LMNA: variants seen among roughly 807,000 people sequenced by gnomAD.
The protein encoded by LMNA is lamin A/C.
In LMNA, 20 loss-of-function variants were observed where a neutral mutation model predicts 70.4. That is an observed-to-expected ratio of 0.28 (90% confidence interval 0.20 to 0.41). LMNA has a LOEUF of 0.41. Among genes scored for constraint, LMNA ranks in the 10% least tolerant of loss-of-function variants. The pLI, the probability that LMNA is intolerant of heterozygous loss-of-function variation, is 1.00. For missense variants in LMNA, 652 were observed against 917.2 expected (o/e 0.71, Z 3.73); for synonymous variants, 339 against 372.8 (o/e 0.91, Z 1.04).
chr1:156,104,175 C>T (rs548602143), intron 3 of LMNA, among the ~76,000 whole-genome samples: 41 of 152,310 alleles, frequency 2.7e-4, no homozygotes, highest in Middle Eastern at 3.4e-3. Flanking sequence ...CGGCAGGGGT[C>T]GGGGTGATCC....
intron 3 of LMNA, among the ~76,000 whole-genome samples, chr1:156,105,189 T>C (rs1307223238): frequency 6.6e-6 from 1 of 152,170 alleles, no homozygotes; most frequent in Non-Finnish European, 1.5e-5. Context: ...AATGGGGTGC[T>C]CCTCTGGGGC....
chr1:156,137,727 T>C lies in LMNA; in HGVS notation c.1682T>C (p.Leu561Pro). The change falls in exon 10 of 12, where the codon CTG becomes CCG. Residue 561 changes from leucine (L) to proline (P), a missense_variant. Coordinates refer to ENST00000368300, the MANE Select transcript of LMNA (RefSeq NM_170707.4). The surrounding 1 kb of genome is among the most constrained non-coding windows in gnomAD (Gnocchi z 4.6). ...EDDEDEDGDD[L>P]LHHHHGSHCS... ...GACGAGGATGAGGATGGAGATGACC[T>C]GCTCCATCACCACCACGTGAGTGGT... 6.4e-7 allele frequency: 1 copy of C among 1,551,976 alleles called. No homozygotes were observed. The highest frequency in any genetic ancestry group is 8.7e-7 in the Non-Finnish European group (1 of 1,147,732).
Position 156,139,853 on chromosome 1 carries a change from G to T in LMNA, c.*747G>T, listed in dbSNP as rs189656652. ...TGCCTTCCCTAGCTTTAGACCCTGG[G>T]TGGGCTCTGTGCAGTCACTGGAGGT... On this transcript the variant is annotated 3_prime_UTR_variant, in exon 12 of 12. Transcript: ENST00000368300. 4 of 1,507,758 alleles carry T rather than the reference G, an allele frequency of 2.7e-6. No homozygotes were observed. The highest frequency in any genetic ancestry group is 5.0e-5 in the East Asian group (2 of 40,170). 93.4% of individuals were successfully genotyped at this position (1,507,758 alleles called of 1,614,324 possible). A position where few individuals can be genotyped will look rare whatever the true frequency, so the allele number is the denominator to read the frequency against.
At chr1:156,102,564 C>T (rs1443246336) in intron 3 of LMNA, among the ~76,000 whole-genome samples, 1 of 152,174 alleles carries the variant, frequency 6.6e-6, no homozygotes, top group African/African-American at 2.4e-5. Flanking sequence ...CCACCCGAGG[C>T]GTTCCACAGT....
chr1:156,096,568 C>G (rs1648946064), intron 3 of LMNA, among the ~76,000 whole-genome samples: 1 of 152,240 alleles, frequency 6.6e-6, no homozygotes, highest in Admixed American at 6.5e-5. Context: ...GTTTTCTGCT[C>G]CCCAGCGTTT....
upstream of LMNA, among the ~76,000 whole-genome samples, chr1:156,112,349 G>A (rs1197456384): frequency 3.3e-5 from 5 of 152,134 alleles, no homozygotes; most frequent in Non-Finnish European, 5.9e-5. Flanking sequence ...TCCTGCCACC[G>A]CACTCCAGCC....
Position 156,117,527 on chromosome 1 carries a change from G to A in LMNA, c.356+2253G>A, listed in dbSNP as rs532855142. On this transcript the variant is annotated intron_variant, in intron 1 of 11. Transcript: ENST00000368300. ...TGGGATTAGAGACGGGAGCCACTGC[G>A]CCTGGCTTCTTTTTTTCTTGAGATA... Among the ~76,000 whole-genome samples, 9 of 152,030 alleles carry A rather than the reference G, an allele frequency of 5.9e-5. No homozygotes were observed. The East Asian group carries it at 1.5e-3, about 26-fold the overall frequency.
chr1:156,100,150 G>T (rs1425914378), intron 3 of LMNA, among the ~76,000 whole-genome samples: 3 of 152,230 alleles, frequency 2.0e-5, no homozygotes, highest in African/African-American at 4.8e-5. Context: ...CTGGAAGCAG[G>T]TTCCTCTCCA....
chr1:156,139,653 C>A lies in LMNA; in HGVS notation c.*547C>A, dbSNP rs956366668. On this transcript the variant is annotated 3_prime_UTR_variant, in exon 12 of 12. Transcript: ENST00000368300. ...GGCTTGGCCTGCTGTGATTCCACTA[C>A]ACCTGGCTGAGGTTCCTCTGCCTGC... 5 of 1,493,104 alleles carry A rather than the reference C, an allele frequency of 3.3e-6. No individual in the cohort carries two copies. The Admixed American group carries it at 1.1e-4, about 32-fold the overall frequency. The allele number at this position is 1,493,104 out of a possible 1,614,324, so 92.5% of individuals were successfully genotyped here.
chr1:156,137,198 G>C lies in LMNA; in HGVS notation c.1574G>C (p.Ser525Thr). 3 of 1,601,782 alleles carry C rather than the reference G, an allele frequency of 1.9e-6. No homozygotes were observed. The highest frequency in any genetic ancestry group is 2.6e-6 in the Non-Finnish European group (3 of 1,175,130). The change falls in exon 9 of 12, where the codon AGC (serine) becomes ACC (threonine). Residue 525 changes from serine (S) to threonine (T), a missense_variant. Physicochemically the swap from Ser to Thr is moderately conservative, Grantham distance 58 (BLOSUM62 1). This residue lies in a region of LMNA where 327 missense variants were observed against 387.6 expected (regional missense o/e 0.84). Coordinates refer to ENST00000368300, the MANE Select transcript of LMNA (RefSeq NM_170707.4). This position sits in a 1 kb window ranked among gnomAD's most constrained non-coding sequence, Gnocchi z 4.6. Reference sequence around the variant, plus strand: ...CAGAACACCTGGGGCTGCGGGAACAGCCTGCGTACGGCTCTCATCAACTCC... The same window carrying C: ...CAGAACACCTGGGGCTGCGGGAACACCCTGCGTACGGCTCTCATCAACTCC... Reference protein sequence around the residue: ...KAQNTWGCGNSLRTALINSTG... With the variant: ...KAQNTWGCGNTLRTALINSTG...
rs556522353 is a variant in LMNA at position 156,098,802 on chromosome 1, G to T, written c.-207+8220G>T. The stretch of plus-strand genomic sequence containing the variant: ...GAGCTACCCTGCAGTGCAAAGGTAA[G>T]GGGTAAGCCATGATGCTCACCCCTC... On this transcript the variant is annotated intron_variant, in intron 3 of 12. Transcript: ENST00000368301. Among the ~76,000 whole-genome samples, 3 of 152,272 alleles carry T rather than the reference G, an allele frequency of 2.0e-5. No individual in the cohort carries two copies. The South Asian group carries it at 6.2e-4, about 32-fold the overall frequency.
chr1:156,099,867 CAAAAAAAAAAAA>C (rs57524097), intron 3 of LMNA, among the ~76,000 whole-genome samples: 3 of 100,254 alleles, frequency 3.0e-5, no homozygotes, highest in South Asian at 6.6e-4. Flanking sequence ...GCCTGGGTGA[CAAAAAAAAAAAA>C]AAAAAAAAGA....
chr1:156,138,136 C>T lies in LMNA; in HGVS notation c.1699-352C>T, dbSNP rs1651829401. ...CATTTTTCCTGCAAGAATGTTCTCTCTCATTCCTGACCGCCCCTCCACTCC... is the reference window on the plus strand; with the variant it reads ...CATTTTTCCTGCAAGAATGTTCTCTTTCATTCCTGACCGCCCCTCCACTCC... On this transcript the variant is annotated intron_variant, in intron 10 of 11. Transcript: ENST00000368300. This position sits in a 1 kb window ranked among gnomAD's most constrained non-coding sequence, Gnocchi z 5.5. 1.9e-6 allele frequency: 1 copy of T among 530,066 alleles called. No homozygotes were observed. Among genetic ancestry groups the T allele is most frequent in the East Asian group, 3.3e-5 (1 of 30,028 alleles). The allele number at this position is 530,066 out of a possible 1,614,324, so 32.8% of individuals were successfully genotyped here.
chr1:156,089,482 G>T (rs866242494), intron 2 of LMNA, among the ~76,000 whole-genome samples: 11 of 151,672 alleles, frequency 7.3e-5, no homozygotes, highest in Non-Finnish European at 1.6e-4. Context: ...TTTTAGTAGA[G>T]ACGGGGTTTT....
At chr1:156,086,930 C>G (rs538343158) in intron 2 of LMNA, among the ~76,000 whole-genome samples, 1 of 152,172 alleles carries the variant, frequency 6.6e-6, no homozygotes, top group Non-Finnish European at 1.5e-5. Flanking sequence ...CGTGAGCCAC[C>G]GCGCCCGGCC....
At chr1:156,122,673 A>G (rs186197543) in intron 1 of LMNA, among the ~76,000 whole-genome samples, 2 of 152,326 alleles carry the variant, frequency 1.3e-5, no homozygotes, top group Non-Finnish European at 2.9e-5. Context: ...CGGCACAGGA[A>G]TGGCTCCCAT....
At chr1:156,108,564 A>T (rs1258116420) in intron 3 of LMNA, among the ~76,000 whole-genome samples, 1 of 152,166 alleles carries the variant, frequency 6.6e-6, no homozygotes, top group Admixed American at 6.6e-5. Context: ...ACCTGAGGTC[A>T]GGAGTTACAT....
rs552365788 is a variant in LMNA, at chr1:156,135,025, A to C, written c.810+50A>C. ...CACTGCCTCTGCCCTTGGCAGCCCT[A>C]CCCTTACCCACGCTGGGCTATGCCT... On this transcript the variant is annotated intron_variant, in intron 4 of 11. Coordinates refer to ENST00000368300, the MANE Select transcript of LMNA (RefSeq NM_170707.4). This position sits in a 1 kb window ranked among gnomAD's most constrained non-coding sequence, Gnocchi z 4.8. 2.5e-5 allele frequency: 41 copies of C among 1,612,492 alleles called. No homozygotes were observed. In the African/African-American group the frequency reaches 4.5e-4, roughly 18 times the overall value.
chr1:156,106,454 T>G (rs2102804925), intron 3 of LMNA, among the ~76,000 whole-genome samples: 1 of 152,152 alleles, frequency 6.6e-6, no homozygotes, highest in East Asian at 1.9e-4. Context: ...ACACACAGAC[T>G]CACACGCGGC....
Sources: gnomAD v4.1 joint callset for allele counts (sites outside exome capture counted in the v4.1 genomes callset) on GRCh38, gnomAD v4.1.1 for gene constraint, gnomAD v4.1.1 regional missense constraint, Gnocchi (gnomAD v3.1) non-coding constraint, MANE v1.5 for transcripts, NCBI Gene and HGNC (gene_info 2026-07-23, HGNC 2026-07-21) for gene names.